TAF11: variants seen among roughly 807,000 people sequenced by gnomAD.
TAF11 encodes the protein TATA-box binding protein associated factor 11.
In TAF11, 10 loss-of-function variants were observed where a neutral mutation model predicts 23.0. That is an observed-to-expected ratio of 0.43 (90% CI 0.27 to 0.74). The LOEUF (loss-of-function observed/expected upper bound fraction) is 0.74, where lower values mean the gene tolerates loss of function less well. Among genes scored for constraint, TAF11 ranks in the 30% least tolerant of loss-of-function variants. The pLI, the probability that TAF11 is intolerant of heterozygous loss-of-function variation, is 0.19. For missense variants in TAF11, 196 were observed against 261.7 expected, an observed-to-expected ratio of 0.75 and a Z score of 1.73; for synonymous variants, 85 against 95.8, an observed-to-expected ratio of 0.89 and a Z score of 0.66.
chr6:34,884,382 T>C (rs547183009), intron 1 of TAF11, among the ~76,000 whole-genome samples: 4 of 151,296 alleles, frequency 2.6e-5, no homozygotes, highest in South Asian at 4.2e-4. Flanking sequence ...CACGGACACA[T>C]AGAGGGGAAC....
rs567404800 is a variant in TAF11, at chr6:34,887,972, G to T, written c.-15C>A. The T allele has an allele frequency of 6.2e-7, 1 of 1,613,284 alleles. No individual in the cohort carries two copies. The highest frequency in any genetic ancestry group is 2.2e-5 in the East Asian group (1 of 44,862). On this transcript the variant is annotated 5_prime_UTR_variant, in exon 1 of 5. Transcript: ENST00000361288. ...GCATCGTCCATCACGGATAGGATTGGAGGGGAGAGGAGATCGCGGAGATGC... is the reference window on the plus strand; with the variant it reads ...GCATCGTCCATCACGGATAGGATTGTAGGGGAGAGGAGATCGCGGAGATGC...
chr6:34,881,851 G>A (rs1290516428), intron 2 of TAF11, among the ~76,000 whole-genome samples: 2 of 150,822 alleles, frequency 1.3e-5, no homozygotes, highest in Non-Finnish European at 3.0e-5. Context: ...CACCCACCAC[G>A]ACACCTGGCT....
rs1041022008 is a variant in TAF11 at position 34,880,580 on chromosome 6, C to G, written c.321-204G>C. Among the ~76,000 whole-genome samples, 1 of 152,310 alleles carries G rather than the reference C, an allele frequency of 6.6e-6. No individual in the cohort carries two copies. Among genetic ancestry groups the G allele is most frequent in the Non-Finnish European group, 1.5e-5 (1 of 68,028 alleles). On this transcript the variant is annotated intron_variant, in intron 2 of 4. Coordinates refer to ENST00000361288, the MANE Select transcript of TAF11 (RefSeq NM_005643.4). This position sits in a 1 kb window ranked among gnomAD's most constrained non-coding sequence, Gnocchi z 4.8. ...GTAAAACAAAAACTTCTTTTCTTAC[C>G]TGTTAACAAAAAGAACAACACTGGG... is the stretch of plus-strand genomic sequence containing the variant.
At chr6:34,882,841 TA>T in intron 2 of TAF11, 90 bp downstream of exon 2, 1 of 1,424,320 alleles carries the variant, frequency 7.0e-7, no homozygotes, top group Non-Finnish European at 9.4e-7. Context: ...TTTGAGTTTA[TA>T]AAAGAAAATT....
At chr6:34,879,181 G>C (rs1360423761) in intron 4 of TAF11, 1 of 165,986 alleles carries the variant, frequency 6.0e-6, no homozygotes, top group African/African-American at 2.4e-5. Context: ...CTCCAGCCTG[G>C]GTGACAGAGT....
intron 1 of TAF11, 41 bp downstream of exon 1, chr6:34,887,746 T>C (rs1038296562): frequency 6.2e-7 from 1 of 1,612,380 alleles, no homozygotes; most frequent in Non-Finnish European, 8.5e-7. Flanking sequence ...TAACACAATC[T>C]CTGGGTATTC....
intron 2 of TAF11, among the ~76,000 whole-genome samples, chr6:34,881,913 G>A (rs909773616): frequency 1.1e-4 from 17 of 151,200 alleles, no homozygotes; most frequent in Non-Finnish European, 1.6e-4. Flanking sequence ...GGCCAGGCTG[G>A]TCTCAAACTC....
chr6:34,878,959 G>A (rs998244600), intron 4 of TAF11, among the ~76,000 whole-genome samples: 3 of 152,108 alleles, frequency 2.0e-5, no homozygotes, highest in Non-Finnish European at 4.4e-5. Context: ...AATCCCAGCA[G>A]TTAGGGAGGC....
chr6:34,883,002 G>A lies in TAF11; in HGVS notation c.250C>T (p.Leu84=). 1 of 1,611,480 alleles carries A rather than the reference G, an allele frequency of 6.2e-7. No individual in the cohort carries two copies. Among genetic ancestry groups the A allele is most frequent in the Admixed American group, 1.7e-5 (1 of 59,654 alleles). The change falls in exon 2 of 5, where the codon CTG becomes TTG. Residue 84 remains leucine, a synonymous_variant. Coordinates refer to ENST00000361288, the MANE Select transcript of TAF11 (RefSeq NM_005643.4). ...SSLLNPAAKK[L]KIDTKEKKEK... ...TTCTTTTCTTTGGTATCTATTTTCA[G>A]TTTTTTGGCTGCAGGATTAAGTAAT...
chr6:34,882,784 C>T (rs547915110), intron 2 of TAF11, 148 bp downstream of exon 2: 7 of 974,276 alleles, frequency 7.2e-6, no homozygotes, highest in East Asian at 3.0e-5. Context: ...GGATTACAGG[C>T]GTGAGCCACC....
At chr6:34,887,653 G>A in intron 1 of TAF11, 134 bp downstream of exon 1, 1 of 1,126,484 alleles carries the variant, frequency 8.9e-7, no homozygotes, top group Non-Finnish European at 1.3e-6. Flanking sequence ...TCCCCCTCAA[G>A]ATTAACGATC....
In TAF11 at chr6:34,887,775, A is replaced by T. The variant is rs756394378; in HGVS notation, c.171+12T>A. The T allele has an allele frequency of 6.2e-7, 1 of 1,614,084 alleles. No homozygotes were observed. Among genetic ancestry groups the T allele is most frequent in the South Asian group, 1.1e-5 (1 of 91,088 alleles). On this transcript the variant is annotated intron_variant, in intron 1 of 4. Transcript: ENST00000361288. ...GGTATTCCTTCAGCCTCATCAGTAC[A>T]TCTCTTCCTACCTCGCCTTCCTCCG...
intron 1 of TAF11, among the ~76,000 whole-genome samples, chr6:34,886,492 C>T (rs1173562667): frequency 2.0e-5 from 3 of 150,640 alleles, no homozygotes; most frequent in African/African-American, 7.3e-5. Context: ...TTTTCCGAGA[C>T]GGAGTCTCTG....
Position 34,880,209 on chromosome 6 carries a change from C to T in TAF11, c.408+80G>A, listed in dbSNP as rs4646939. ...TAATCCCCTGACTTGTCTAACACCTCACTTCAAATGCCAATGGACATGGCT... is the reference window on the plus strand; with the variant it reads ...TAATCCCCTGACTTGTCTAACACCTTACTTCAAATGCCAATGGACATGGCT... On this transcript the variant is annotated intron_variant, in intron 3 of 4. Transcript: ENST00000361288. This position sits in a 1 kb window ranked among gnomAD's most constrained non-coding sequence, Gnocchi z 4.8. 58 of 1,550,678 alleles carry T rather than the reference C, an allele frequency of 3.7e-5. No homozygotes were observed. In the Admixed American group the frequency reaches 9.6e-4, roughly 26 times the overall value.
At position 34,878,793 on chromosome 6, in the gene TAF11, G is replaced by A. The variant is rs916911572; in HGVS notation, c.506-73C>T. The A allele has an allele frequency of 3.8e-6, 5 of 1,330,734 alleles. No homozygotes were observed. The African/African-American group carries it at 7.4e-5, about 20-fold the overall frequency. 82.4% of individuals were successfully genotyped at this position (1,330,734 alleles called of 1,614,324 possible). On this transcript the variant is annotated intron_variant, in intron 4 of 4. Transcript: ENST00000361288. ...TAATCACATAATCCTTTTGAGTCCT[G>A]TAATTCTTGTTAACTTTTCTTAAGC...
chr6:34,884,763 T>C (rs1392009047), intron 1 of TAF11, among the ~76,000 whole-genome samples: 4 of 152,218 alleles, frequency 2.6e-5, no homozygotes, highest in African/African-American at 9.6e-5. Flanking sequence ...AGGTAGTCTA[T>C]CTTTGACAAT....
At chr6:34,886,079 G>A (rs1035047733) in intron 1 of TAF11, among the ~76,000 whole-genome samples, 4 of 152,218 alleles carry the variant, frequency 2.6e-5, no homozygotes, top group African/African-American at 9.6e-5. Flanking sequence ...AGTGAGCCGA[G>A]ATTGCGCCAT....
chr6:34,885,849 C>A (rs751260354), intron 1 of TAF11, among the ~76,000 whole-genome samples: 1 of 152,092 alleles, frequency 6.6e-6, no homozygotes, highest in Non-Finnish European at 1.5e-5. Context: ...TGGCCGGGTG[C>A]GGTGGCTCAT....
In TAF11 at chr6:34,878,656, G is replaced by A. The variant is rs753933027; in HGVS notation, c.570C>T (p.Ala190=). ...PPLQPKHMRE[A]VRRLKSKGQI... ...GTCCTTTTGACTTTAACCTTCTAAC[G>A]GCTTCCCTCATATGTTTGGGTTGTA... The change falls in exon 5 of 5, where the codon GCC becomes GCT. Residue 190 remains alanine (A), a synonymous_variant. Transcript: ENST00000361288. 64 of 1,613,794 alleles carry A rather than the reference G, an allele frequency of 4.0e-5. No individual in the cohort carries two copies. The highest frequency in any genetic ancestry group is 4.7e-5 in the Non-Finnish European group (56 of 1,179,952).
Sources: allele counts gnomAD v4.1 joint callset (sites outside exome capture counted in the v4.1 genomes callset), GRCh38; gene constraint gnomAD v4.1.1; non-coding constraint Gnocchi (gnomAD v3.1); transcripts MANE v1.5; gene names NCBI Gene and HGNC (gene_info 2026-07-23, HGNC 2026-07-21).